ZHX3: variants seen among roughly 807,000 people sequenced by gnomAD.
The protein encoded by ZHX3 is zinc fingers and homeoboxes 3.
A neutral mutation model predicts 64.5 loss-of-function variants in ZHX3; 20 were observed. That is an observed-to-expected ratio of 0.31 (90% confidence interval 0.22 to 0.45). ZHX3 has a LOEUF of 0.45. Ranked by LOEUF, ZHX3 falls within the 20% of genes least tolerant of loss-of-function variation. The pLI is 1.00. For synonymous variants in ZHX3, 423 were observed against 461.6 expected (o/e 0.92, Z 1.07); for missense variants, 1,041 against 1,195.8 (o/e 0.87, Z 1.91).
chr20:41,295,124 A>T (rs930886931), intron 1 of ZHX3, among the ~76,000 whole-genome samples: 3 of 151,568 alleles, frequency 2.0e-5, no homozygotes, highest in Non-Finnish European at 4.4e-5. Context: ...TGCTCATTCC[A>T]CTCCCAAAAT....
At chr20:41,188,270 A>G (rs943081406) in intron 3 of ZHX3, among the ~76,000 whole-genome samples, 4 of 152,094 alleles carry the variant, frequency 2.6e-5, no homozygotes, top group African/African-American at 9.7e-5. Context: ...GGATAAAATG[A>G]CATCTCATTG....
chr20:41,291,610 G>A (rs1403472252), intron 1 of ZHX3, among the ~76,000 whole-genome samples: 2 of 151,664 alleles, frequency 1.3e-5, no homozygotes, highest in Admixed American at 6.6e-5. Flanking sequence ...TTGTGGGTTT[G>A]GAATATATGT....
rs539622599 is a variant in ZHX3 at position 41,232,979 on chromosome 20, C to T, written c.-150-27913G>A. Among the ~76,000 whole-genome samples, 4 of 152,336 alleles carry T rather than the reference C, an allele frequency of 2.6e-5. No individual in the cohort carries two copies. Among genetic ancestry groups the T allele is most frequent in the South Asian group, 2.1e-4 (1 of 4,826 alleles). On this transcript the variant is annotated intron_variant, in intron 2 of 3. Transcript: ENST00000683867. This position sits in a 1 kb window ranked among gnomAD's most constrained non-coding sequence, Gnocchi z 5.0. Reference sequence around the variant, plus strand: ...CTTACACAAGGCTGGTCTTAGGGTTCGTTTAATCGCTACATCCATCTTTAT... The same window carrying T: ...CTTACACAAGGCTGGTCTTAGGGTTTGTTTAATCGCTACATCCATCTTTAT...
Position 41,185,314 on chromosome 20 carries a change from T to G in ZHX3, c.2861-113A>C. On this transcript the variant is annotated intron_variant, in intron 3 of 3. Coordinates refer to ENST00000683867, the MANE Select transcript of ZHX3 (RefSeq NM_001384317.1). The surrounding 1 kb of genome is among the most constrained non-coding windows in gnomAD (Gnocchi z 5.0). ...ATCACTGGCTTTGAGGACCTCTTAA[T>G]TCCATGAGCAATGAATGGCCTTCTG... The G allele has an allele frequency of 1.6e-6, 2 of 1,267,456 alleles. No homozygotes were observed. Among genetic ancestry groups the G allele is most frequent in the Non-Finnish European group, 2.2e-6 (2 of 922,994 alleles). The allele number at this position is 1,267,456 out of a possible 1,614,324, so 78.5% of individuals were successfully genotyped here.
chr20:41,199,707 T>TC (rs1361664259), intron 3 of ZHX3, among the ~76,000 whole-genome samples: 3 of 151,608 alleles, frequency 2.0e-5, no homozygotes, highest in Non-Finnish European at 2.9e-5. Flanking sequence ...AAACTCTTTT[T>TC]TTTTTTTTTT....
In ZHX3 at chr20:41,202,708, C is replaced by G. The variant is rs34073395; in HGVS notation, c.2209G>C (p.Ala737Pro). 9.9e-6 allele frequency: 16 copies of G among 1,614,176 alleles called. No homozygotes were observed. The highest frequency in any genetic ancestry group is 1.4e-5 in the Non-Finnish European group (16 of 1,180,036). Residue 737 changes from alanine (A) to proline (P), a missense_variant, in exon 3 of 4, where the codon GCC becomes CCC. Ala to Pro is a conservative substitution (Grantham distance 27). This residue lies in a region of ZHX3 where 649 missense variants were observed against 739.8 expected (regional missense o/e 0.88). Transcript: ENST00000683867. This position sits in a 1 kb window ranked among gnomAD's most constrained non-coding sequence, Gnocchi z 7.0. ...CCTGGAATCTCGTTCCTGCCATTGG[C>G]TTCAGTGACCCTCAGGTTCTTCAGG... is the stretch of plus-strand genomic sequence containing the variant. Reference protein sequence around the residue: ...INLKNLRVTEANGRNEIPGLG... With the variant: ...INLKNLRVTEPNGRNEIPGLG...
At chr20:41,285,373 A>G (rs919290770) in intron 1 of ZHX3, among the ~76,000 whole-genome samples, 1 of 152,202 alleles carries the variant, frequency 6.6e-6, no homozygotes, top group African/African-American at 2.4e-5. Context: ...TCCAGAGGAA[A>G]TAATACTAAT....
At chr20:41,289,840 G>A (rs535320852) in intron 1 of ZHX3, among the ~76,000 whole-genome samples, 1 of 151,328 alleles carries the variant, frequency 6.6e-6, no homozygotes, top group African/African-American at 2.4e-5. Context: ...ATAGTAGGTG[G>A]TCAATAAAAG....
At chr20:41,314,289 CA>C (rs913003729) in intron 1 of ZHX3, among the ~76,000 whole-genome samples, 5 of 151,868 alleles carry the variant, frequency 3.3e-5, no homozygotes, top group Admixed American at 2.6e-4. Flanking sequence ...TGTAAAATTG[CA>C]AAAGGTCAAG....
At chr20:41,237,616 G>T (rs574786404) in intron 2 of ZHX3, among the ~76,000 whole-genome samples, 129 of 152,296 alleles carry the variant, frequency 8.5e-4, no homozygotes, top group African/African-American at 2.9e-3. Context: ...CCTGTTGTGG[G>T]GTAGGAGGAG....
Position 41,226,624 on chromosome 20 carries a change from T to C in ZHX3, c.-150-21558A>G, listed in dbSNP as rs1171233141. Among the ~76,000 whole-genome samples the C allele has an allele frequency of 6.6e-6, 1 of 152,236 alleles. No homozygotes were observed. The highest frequency in any genetic ancestry group is 1.5e-5 in the Non-Finnish European group (1 of 68,046). On this transcript the variant is annotated intron_variant, in intron 2 of 3. Coordinates refer to ENST00000683867, the MANE Select transcript of ZHX3 (RefSeq NM_001384317.1). This position sits in a 1 kb window ranked among gnomAD's most constrained non-coding sequence, Gnocchi z 4.4. ...CAGCAGAAATCACAGGAGTCATCAA[T>C]TCGTCTTTACCTTTTTTGATCCTGT...
intron 1 of ZHX3, among the ~76,000 whole-genome samples, chr20:41,281,415 G>A (rs1215703816): frequency 6.6e-6 from 1 of 152,094 alleles, no homozygotes; most frequent in Non-Finnish European, 1.5e-5. Context: ...AAGCAGTGCT[G>A]AACAAAGAAA....
chr20:41,271,240 G>A (rs2043133776), intron 1 of ZHX3, among the ~76,000 whole-genome samples: 1 of 152,110 alleles, frequency 6.6e-6, no homozygotes, highest in African/African-American at 2.4e-5. Flanking sequence ...AGATGGTCTC[G>A]ATCTCTTGAC....
chr20:41,205,805 G>T (rs1297074944), intron 2 of ZHX3, among the ~76,000 whole-genome samples: 1 of 152,192 alleles, frequency 6.6e-6, no homozygotes, highest in African/African-American at 2.4e-5. Context: ...ACCACTCAAA[G>T]GGTGGTCTCA....
intron 2 of ZHX3, chr20:41,239,847 TC>T (rs2041264418): frequency 6.6e-6 from 1 of 152,262 alleles, no homozygotes. Context: ...ACTATTTTTA[TC>T]GTTTAACAAA....
In ZHX3 at chr20:41,226,616, G is replaced by A. The variant is rs2040290075; in HGVS notation, c.-150-21550C>T. Among the ~76,000 whole-genome samples the A allele has an allele frequency of 6.6e-6, 1 of 152,168 alleles. No individual in the cohort carries two copies. Among genetic ancestry groups the A allele is most frequent in the Admixed American group, 6.5e-5 (1 of 15,280 alleles). ...TGGCAGAGCAGCAGAAATCACAGGA[G>A]TCATCAATTCGTCTTTACCTTTTTT... is the stretch of plus-strand genomic sequence containing the variant. On this transcript the variant is annotated intron_variant, in intron 2 of 3. Transcript: ENST00000683867. The surrounding 1 kb of genome is among the most constrained non-coding windows in gnomAD (Gnocchi z 4.4).
intron 2 of ZHX3, among the ~76,000 whole-genome samples, chr20:41,210,068 T>C (rs1442434409): frequency 6.6e-6 from 1 of 152,176 alleles, no homozygotes; most frequent in African/African-American, 2.4e-5. Flanking sequence ...AAAGAAGACA[T>C]TTATGCAGCC....
At chr20:41,209,732 C>G (rs1384620508) in intron 2 of ZHX3, among the ~76,000 whole-genome samples, 2 of 152,060 alleles carry the variant, frequency 1.3e-5, no homozygotes, top group African/African-American at 4.8e-5. Context: ...GACCTAAAAC[C>G]ATAAAAACCC....
At chr20:41,259,757 C>G (rs2042461689) in intron 2 of ZHX3, among the ~76,000 whole-genome samples, 1 of 152,012 alleles carries the variant, frequency 6.6e-6, no homozygotes, top group Non-Finnish European at 1.5e-5. Flanking sequence ...ACAATAAACC[C>G]AACATCAATG....
Sources: allele counts gnomAD v4.1 joint callset (sites outside exome capture counted in the v4.1 genomes callset), GRCh38; gene constraint gnomAD v4.1.1; regional missense constraint gnomAD v4.1.1; non-coding constraint Gnocchi (gnomAD v3.1); transcripts MANE v1.5; gene names NCBI Gene and HGNC (gene_info 2026-07-23, HGNC 2026-07-21).